Variants in PIK3R5 observed in about 807,000 individuals in gnomAD.
The protein encoded by PIK3R5 is phosphoinositide-3-kinase regulatory subunit 5, also known as phosphoinositide 3-kinase regulatory subunit 5.
PIK3R5 carries 32 observed loss-of-function variants against 94.9 expected under a neutral mutation model. The ratio of observed to expected loss-of-function variants is 0.34; its 90% confidence interval spans 0.25 to 0.45. PIK3R5 has a LOEUF of 0.45. PIK3R5 is among the 20% of genes least tolerant of loss of function. The pLI, the probability that PIK3R5 is intolerant of heterozygous loss-of-function variation, is 1.00. For missense variants in PIK3R5, 853 were observed against 1,144.6 expected (o/e 0.75, Z 3.68); for synonymous variants, 443 against 479.4 (o/e 0.92, Z 0.99).
rs2089677634 is a variant in PIK3R5, at chr17:8,881,962, C to T, written c.2206-81G>A. On this transcript the variant is annotated intron_variant, in intron 15 of 18. Transcript: ENST00000447110. The surrounding 1 kb of genome is among the most constrained non-coding windows in gnomAD (Gnocchi z 4.8). ...CTTCTCTTTGAAGGCCCATCAGTGA[C>T]AGGGGGTTGCCTCTAGTTAGCATAT... The T allele has an allele frequency of 1.8e-6, 2 of 1,081,634 alleles. No individual in the cohort carries two copies. The highest frequency in any genetic ancestry group is 3.9e-5 in the Admixed American group (2 of 50,712). 67.0% of individuals were successfully genotyped at this position (1,081,634 alleles called of 1,614,324 possible). A position where few individuals can be genotyped will look rare whatever the true frequency, so the allele number is the denominator to read the frequency against.
rs754931160 is a variant in PIK3R5 at position 8,909,173 on chromosome 17, A to C, written c.105T>G (p.Ala35=). 6 of 1,587,888 alleles carry C rather than the reference A, an allele frequency of 3.8e-6. No homozygotes were observed. In the Admixed American group the frequency reaches 1.0e-4, roughly 27 times the overall value. ...GGCTCCAGCAGTTCAGACACAGCCC[A>C]GCTGGAAAAGGAGAGAGAGGCAAGG... is the stretch of plus-strand genomic sequence containing the variant. The part of the protein sequence containing the change: ...SLSRRSTSWS[A]GLCLNCWSLQ... Residue 35 remains alanine, a splice_region_variant and synonymous_variant, in exon 3 of 19, where the codon GCT becomes GCG. Coordinates refer to ENST00000447110, the MANE Select transcript of PIK3R5 (RefSeq NM_001142633.3). This position sits in a 1 kb window ranked among gnomAD's most constrained non-coding sequence, Gnocchi z 4.3.
chr17:8,884,575 G>T lies in PIK3R5; in HGVS notation c.2205+132C>A, dbSNP rs915867831. 7 of 679,758 alleles carry T rather than the reference G, an allele frequency of 1.0e-5. No individual in the cohort carries two copies. Among genetic ancestry groups the T allele is most frequent in the African/African-American group, 8.9e-5 (5 of 56,134 alleles). The allele number at this position is 679,758 out of a possible 1,614,324, so 42.1% of individuals were successfully genotyped here. A position where few individuals can be genotyped will look rare whatever the true frequency, so the allele number is the denominator to read the frequency against. ...TCTCTGCTTCTCTCAGCATCCAGGG[G>T]AGCCTGCTGCAGCCTTCCAGCGTAA... On this transcript the variant is annotated intron_variant, in intron 15 of 18. Coordinates refer to ENST00000447110, the MANE Select transcript of PIK3R5 (RefSeq NM_001142633.3). This position sits in a 1 kb window ranked among gnomAD's most constrained non-coding sequence, Gnocchi z 5.8.
At chr17:8,917,832 C>T (rs1396244213) in intron 1 of PIK3R5, among the ~76,000 whole-genome samples, 1 of 151,960 alleles carries the variant, frequency 6.6e-6, no homozygotes, top group African/African-American at 2.4e-5. Flanking sequence ...TGCCACTGCA[C>T]TCCAGCCTAG....
intron 3 of PIK3R5, among the ~76,000 whole-genome samples, chr17:8,907,826 C>T (rs572731973): frequency 1.7e-4 from 26 of 151,980 alleles, no homozygotes; most frequent in African/African-American, 5.8e-4. Flanking sequence ...TTTGTAGAGA[C>T]GAGGTCTTGC....
rs1045887374 is a variant in PIK3R5 at position 8,881,380 on chromosome 17, C to T, written c.2382+250G>A. Among the ~76,000 whole-genome samples, 5 of 152,128 alleles carry T rather than the reference C, an allele frequency of 3.3e-5. No homozygotes were observed. The highest frequency in any genetic ancestry group is 1.2e-4 in the African/African-American group (5 of 41,414). ...TTTTCCACATACACGCGTCCTCTCA[C>T]AGGGCACCCCTACCTCCCCGACACC... On this transcript the variant is annotated intron_variant, in intron 17 of 18. Transcript: ENST00000447110. This position sits in a 1 kb window ranked among gnomAD's most constrained non-coding sequence, Gnocchi z 4.8.
At chr17:8,908,866 C>T (rs1451248207) in intron 3 of PIK3R5, among the ~76,000 whole-genome samples, 2 of 152,152 alleles carry the variant, frequency 1.3e-5, no homozygotes, top group Non-Finnish European at 2.9e-5. Flanking sequence ...CCCTAGCTCG[C>T]GTATGATGTG....
intron 1 of PIK3R5, among the ~76,000 whole-genome samples, chr17:8,917,129 AG>A (rs1263309848): frequency 1.3e-5 from 2 of 152,208 alleles, no homozygotes; most frequent in African/African-American, 4.8e-5. Flanking sequence ...TTCCCAACAC[AG>A]GAAGGATACA....
Position 8,880,397 on chromosome 17 carries a change from T to C in PIK3R5, c.*242A>G. 2.4e-6 allele frequency: 1 copy of C among 421,372 alleles called. No homozygotes were observed. The highest frequency in any genetic ancestry group is 4.2e-6 in the Non-Finnish European group (1 of 237,976). The allele number at this position is 421,372 out of a possible 1,614,324, so 26.1% of individuals were successfully genotyped here. The stretch of plus-strand genomic sequence containing the variant: ...GAGGTCAATTTACCCATCCTTCTCC[T>C]TCTACTGCCAGGAATCTAAGAGGCT... On this transcript the variant is annotated 3_prime_UTR_variant, in exon 19 of 19. Coordinates refer to ENST00000447110, the MANE Select transcript of PIK3R5 (RefSeq NM_001142633.3).
chr17:8,905,658 C>A lies in PIK3R5; in HGVS notation c.273+11G>T. ...CCCTCACCTCCAGCATCCTGGCCCA[C>A]GTGGACTTACACAAAGAACAGTGGA... On this transcript the variant is annotated intron_variant, in intron 4 of 18. Transcript: ENST00000447110. The A allele has an allele frequency of 6.3e-7, 1 of 1,588,306 alleles. No homozygotes were observed.
chr17:8,935,166 T>G lies in PIK3R5; in HGVS notation c.-13-23659A>C, dbSNP rs1488560829. 6.6e-6 allele frequency among the ~76,000 whole-genome samples: 1 copy of G among 152,146 alleles called. No individual in the cohort carries two copies. Among genetic ancestry groups the G allele is most frequent in the Non-Finnish European group, 1.5e-5 (1 of 68,026 alleles). On this transcript the variant is annotated intron_variant, in intron 1 of 18. Coordinates refer to ENST00000447110, the MANE Select transcript of PIK3R5 (RefSeq NM_001142633.3). This position sits in a 1 kb window ranked among gnomAD's most constrained non-coding sequence, Gnocchi z 4.5. Reference sequence around the variant, plus strand: ...AGAGCATCTCTGCTTCCACTGTGCCTGCGTTATAACTGCCTATTTCTCTAG... The same window carrying G: ...AGAGCATCTCTGCTTCCACTGTGCCGGCGTTATAACTGCCTATTTCTCTAG...
At position 8,909,276 on chromosome 17, in the gene PIK3R5, T is replaced by C; in HGVS notation, c.104-102A>G. ...GCATTTATGCTGGAACATTTTTCTG[T>C]GGTATTGCACTGGAACACTCTTTTT... On this transcript the variant is annotated intron_variant, in intron 2 of 18. Coordinates refer to ENST00000447110, the MANE Select transcript of PIK3R5 (RefSeq NM_001142633.3). This position sits in a 1 kb window ranked among gnomAD's most constrained non-coding sequence, Gnocchi z 4.3. 2.9e-6 allele frequency: 2 copies of C among 694,120 alleles called. No homozygotes were observed. Among genetic ancestry groups the C allele is most frequent in the Non-Finnish European group, 5.0e-6 (2 of 399,054 alleles). The allele number at this position is 694,120 out of a possible 1,614,324, so 43.0% of individuals were successfully genotyped here. A position where few individuals can be genotyped will look rare whatever the true frequency, so the allele number is the denominator to read the frequency against.
At position 8,893,576 on chromosome 17, in the gene PIK3R5, G is replaced by A; in HGVS notation, c.482+10C>T. ...TCCCCACTGTTTCTCCGTCCCCCAA[G>A]AGCACTCACACGGTGGAGCTGCGGT... is the stretch of plus-strand genomic sequence containing the variant. On this transcript the variant is annotated intron_variant, in intron 6 of 18. Coordinates refer to ENST00000447110, the MANE Select transcript of PIK3R5 (RefSeq NM_001142633.3). This position sits in a 1 kb window ranked among gnomAD's most constrained non-coding sequence, Gnocchi z 5.1. 6.2e-7 allele frequency: 1 copy of A among 1,610,904 alleles called. No individual in the cohort carries two copies. Among genetic ancestry groups the A allele is most frequent in the Non-Finnish European group, 8.5e-7 (1 of 1,177,174 alleles).
At chr17:8,898,571 G>A (rs1046035758) in intron 5 of PIK3R5, among the ~76,000 whole-genome samples, 3 of 152,206 alleles carry the variant, frequency 2.0e-5, no homozygotes, top group Non-Finnish European at 4.4e-5. Context: ...TAAATGTCGA[G>A]CCTTCAGTTT....
Position 8,888,127 on chromosome 17 carries a change from C to A in PIK3R5, c.1616+44G>T. 1 of 1,601,574 alleles carries A rather than the reference C, an allele frequency of 6.2e-7. No homozygotes were observed. The highest frequency in any genetic ancestry group is 8.5e-7 in the Non-Finnish European group (1 of 1,170,432). ...CCCCAGATTCCACCAGCACAACAAC[C>A]CTGTTACCCAGGGCAGAGGGATGCT... On this transcript the variant is annotated intron_variant, in intron 10 of 18. Transcript: ENST00000447110. The surrounding 1 kb of genome is among the most constrained non-coding windows in gnomAD (Gnocchi z 7.8).
rs1305584099 is a variant in PIK3R5, at chr17:8,887,530, G to C, written c.1770C>G (p.Ala590=). The C allele has an allele frequency of 1.9e-6, 3 of 1,605,502 alleles. No individual in the cohort carries two copies. The highest frequency in any genetic ancestry group is 1.7e-6 in the Non-Finnish European group (2 of 1,176,230). Residue 590 remains alanine, a synonymous_variant, in exon 11 of 19, where the codon GCC becomes GCG. Coordinates refer to ENST00000447110, the MANE Select transcript of PIK3R5 (RefSeq NM_001142633.3). Reference sequence around the variant, plus strand: ...CAGGCTGGGGACATACTCCAGGGCTGGCGTGCCTAGGGGAGTCTGTCGGGG... The same window carrying C: ...CAGGCTGGGGACATACTCCAGGGCTCGCGTGCCTAGGGGAGTCTGTCGGGG... ...PSPPTDSPRH[A]SPGELGTTPW...
rs528115991 is a variant in PIK3R5, at chr17:8,887,699, T to C, written c.1617-16A>G. ...CTCCAGCCGCCTGGCAAGAAGAAGATGGTGAGAAGGGGAATGGGCATGGTG... is the reference window on the plus strand; with the variant it reads ...CTCCAGCCGCCTGGCAAGAAGAAGACGGTGAGAAGGGGAATGGGCATGGTG... On this transcript the variant is annotated splice_polypyrimidine_tract_variant and intron_variant, in intron 10 of 18. Coordinates refer to ENST00000447110, the MANE Select transcript of PIK3R5 (RefSeq NM_001142633.3). 1.3e-6 allele frequency: 2 copies of C among 1,578,142 alleles called. No individual in the cohort carries two copies. Among genetic ancestry groups the C allele is most frequent in the Middle Eastern group, 1.7e-4 (1 of 6,022 alleles).
Position 8,909,287 on chromosome 17 carries a change from TG to T in PIK3R5, c.104-114del. The T allele has an allele frequency of 1.6e-6, 1 of 642,838 alleles. No homozygotes were observed. The allele number at this position is 642,838 out of a possible 1,614,324, so 39.8% of individuals were successfully genotyped here. On this transcript the variant is annotated intron_variant, in intron 2 of 18. Transcript: ENST00000447110. The surrounding 1 kb of genome is among the most constrained non-coding windows in gnomAD (Gnocchi z 4.3). ...GGAACATTTTTCTGTGGTATTGCAC[TG>T]GAACACTCTTTTTTTTTTTTGAGAC...
At chr17:8,908,530 A>AACACACAC (rs3138608) in intron 3 of PIK3R5, among the ~76,000 whole-genome samples, 7,921 of 136,542 alleles carry the variant, frequency 0.058, 248 homozygotes, top group Middle Eastern at 0.085. Context: ...AAATAATTAA[A>AACACACAC]ACACACACAC....
chr17:8,958,250 G>C (rs1407316634), intron 1 of PIK3R5, among the ~76,000 whole-genome samples: 1 of 147,054 alleles, frequency 6.8e-6, no homozygotes, highest in Non-Finnish European at 1.5e-5. Context: ...GTGGAGGTTC[G>C]CACCACTGCA....
Sources: gnomAD v4.1 joint callset for allele counts (sites outside exome capture counted in the v4.1 genomes callset) on GRCh38, gnomAD v4.1.1 for gene constraint, Gnocchi (gnomAD v3.1) non-coding constraint, MANE v1.5 for transcripts, NCBI Gene and HGNC (gene_info 2026-07-23, HGNC 2026-07-21) for gene names.